RBFOX1: variants seen among roughly 807,000 people sequenced by gnomAD.
The protein encoded by RBFOX1 is RNA binding fox-1 homolog 1, also known as RNA binding protein fox-1 homolog 1.
RBFOX1 carries 8 observed loss-of-function variants against 57.7 expected under a neutral mutation model. The ratio of observed to expected loss-of-function variants is 0.14; its 90% CI spans 0.08 to 0.25. The LOEUF (loss-of-function observed/expected upper bound fraction) is 0.25, where lower values mean the gene tolerates loss of function less well. Ranked by LOEUF, RBFOX1 falls within the 10% of genes least tolerant of loss-of-function variation. RBFOX1 has a pLI of 1.00. For synonymous variants in RBFOX1, 326 were observed against 222.4 expected (o/e 1.47, Z -4.15); for missense variants, 611 against 548.5 (o/e 1.11, Z -1.14).
At chr16:6,290,166 C>A (rs994684912) in intron 1 of RBFOX1, among the ~76,000 whole-genome samples, 1 of 137,880 alleles carries the variant, frequency 7.3e-6, no homozygotes, top group Non-Finnish European at 1.6e-5. Flanking sequence ...GCTGCATTAC[C>A]TGAAAGTGAG....
intron 4 of RBFOX1, among the ~76,000 whole-genome samples, chr16:5,879,632 T>C (rs2057712603): frequency 6.6e-6 from 1 of 152,180 alleles, no homozygotes; most frequent in African/African-American, 2.4e-5. Context: ...GCCTGATCTA[T>C]TTTCTTATTT....
At chr16:6,193,364 ATATATATATATACATTATATATATATAC>A (rs2097154944) in intron 1 of RBFOX1, among the ~76,000 whole-genome samples, 6 of 120,410 alleles carry the variant, frequency 5.0e-5, no homozygotes, top group African/African-American at 1.9e-4. Context: ...CATTATATAT[ATATATATATATACATTATATATATATAC>A]TATATATATA....
At chr16:6,675,246 G>T (rs981047397) in intron 3 of RBFOX1, among the ~76,000 whole-genome samples, 4 of 152,236 alleles carry the variant, frequency 2.6e-5, no homozygotes. Flanking sequence ...GTGATTTGTT[G>T]CACCATCCCT....
In RBFOX1 at chr16:5,631,071, C is replaced by T. The variant is rs149375838; in HGVS notation, c.318+32110C>T. Among the ~76,000 whole-genome samples the T allele has an allele frequency of 2.6e-5, 4 of 152,292 alleles. No homozygotes were observed. In the East Asian group the frequency reaches 5.8e-4, roughly 22 times the overall value. The stretch of plus-strand genomic sequence containing the variant: ...CAGATGGCCAAACCAGTCCCCAAAA[C>T]GTGACTGTTGGCACTCAGAGGTGCT... On this transcript the variant is annotated intron_variant, in intron 3 of 19. Coordinates refer to the RBFOX1 transcript ENST00000641259.
At chr16:7,063,234 A>T (rs2055032907) in intron 4 of RBFOX1, among the ~76,000 whole-genome samples, 1 of 151,986 alleles carries the variant, frequency 6.6e-6, no homozygotes. Flanking sequence ...TAGGCACAGG[A>T]AGAGAGGTCT....
chr16:7,082,966 T>C (rs952694540), intron 4 of RBFOX1, among the ~76,000 whole-genome samples: 1 of 151,300 alleles, frequency 6.6e-6, no homozygotes, highest in South Asian at 2.1e-4. Flanking sequence ...CCTACCAGCC[T>C]GCTTGTAAAT....
chr16:6,098,695 G>A (rs78326653), intron 1 of RBFOX1, among the ~76,000 whole-genome samples: 4 of 152,170 alleles, frequency 2.6e-5, no homozygotes, highest in Non-Finnish European at 4.4e-5. Flanking sequence ...CATCATCTGA[G>A]ACCCTTACTA....
intron 4 of RBFOX1, among the ~76,000 whole-genome samples, chr16:7,285,481 C>A (rs1243695619): frequency 6.6e-6 from 1 of 151,922 alleles, no homozygotes; most frequent in African/African-American, 2.4e-5. Context: ...ACACCACAGT[C>A]AGGATAACAA....
intron 3 of RBFOX1, among the ~76,000 whole-genome samples, chr16:6,866,403 TATCC>T (rs1439910826): frequency 1.3e-5 from 2 of 151,960 alleles, no homozygotes; most frequent in African/African-American, 4.8e-5. Context: ...AATCAAACCT[TATCC>T]ATCATCTCCA....
In RBFOX1 at chr16:5,716,225, T is replaced by G. The variant is rs2051692777; in HGVS notation, c.318+117264T>G. Among the ~76,000 whole-genome samples the G allele has an allele frequency of 1.3e-5, 2 of 152,214 alleles. 1 individual carries two copies. The highest frequency in any genetic ancestry group is 4.8e-5 in the African/African-American group (2 of 41,468). ...TTGGTTGGCGTGAAAGTAATTTTTT[T>G]CCATTAAAATCAGCGGCAAAAACTG... On this transcript the variant is annotated intron_variant, in intron 3 of 19. Coordinates refer to the RBFOX1 transcript ENST00000641259.
chr16:6,091,550 C>G (rs907208444), intron 1 of RBFOX1, among the ~76,000 whole-genome samples: 1 of 152,146 alleles, frequency 6.6e-6, no homozygotes, highest in African/African-American at 2.4e-5. Context: ...TTTGTTGAGG[C>G]CGAGTGTCAT....
chr16:6,072,882 A>G lies in RBFOX1; in HGVS notation c.-127+52890A>G, dbSNP rs575963612. On this transcript the variant is annotated intron_variant, in intron 1 of 15. Transcript: ENST00000550418. ...GGATGTGAAAGATAGGTCTGTTCCT[A>G]TGATTGTGGGGATGGTTTCACAGGC... 2.6e-3 allele frequency among the ~76,000 whole-genome samples: 390 copies of G among 152,266 alleles called. 1 individual carries two copies. Among genetic ancestry groups the G allele is most frequent in the African/African-American group, 9.0e-3 (375 of 41,532 alleles).
intron 4 of RBFOX1, chr16:7,510,124 A>T (rs1600431553): frequency 1.0e-6 from 1 of 985,842 alleles, no homozygotes; most frequent in South Asian, 4.7e-5. Flanking sequence ...GAGCAGTCAG[A>T]TGTTGAGGGG....
chr16:5,504,647 T>C (rs1025913947), intron 2 of RBFOX1, among the ~76,000 whole-genome samples: 1 of 152,228 alleles, frequency 6.6e-6, no homozygotes, highest in Admixed American at 6.5e-5. Context: ...CAAGAGCAGA[T>C]GTACTGTCTA....
intron 4 of RBFOX1, among the ~76,000 whole-genome samples, chr16:7,338,271 G>T (rs2096830779): frequency 1.3e-5 from 2 of 149,354 alleles, no homozygotes; most frequent in African/African-American, 5.0e-5. Context: ...GAGATGGTAA[G>T]CTCTCAGAGG....
rs932435144 is a variant in RBFOX1 at position 5,581,552 on chromosome 16, T to C, written c.259-17350T>C. Among the ~76,000 whole-genome samples the C allele has an allele frequency of 7.2e-5, 11 of 152,302 alleles. 1 individual carries two copies. Among genetic ancestry groups the C allele is most frequent in the Admixed American group, 4.6e-4 (7 of 15,304 alleles). The stretch of plus-strand genomic sequence containing the variant: ...GGAAGTGTCACAGGGCTAATGGGCA[T>C]GATGCTGCAAGAGCATGTTACAGGA... On this transcript the variant is annotated intron_variant, in intron 2 of 2. Coordinates refer to the RBFOX1 transcript ENST00000585867.
chr16:6,927,057 A>G (rs899248550), intron 3 of RBFOX1, among the ~76,000 whole-genome samples: 4 of 151,302 alleles, frequency 2.6e-5, no homozygotes, highest in African/African-American at 9.7e-5. Flanking sequence ...TCCACCCACC[A>G]TTTTTCTTTT....
intron 2 of RBFOX1, among the ~76,000 whole-genome samples, chr16:5,494,024 C>A (rs187561682): frequency 6.6e-6 from 1 of 152,132 alleles, no homozygotes; most frequent in African/African-American, 2.4e-5. Flanking sequence ...TGAAGACTCA[C>A]GAGGTGATTT....
chr16:6,129,410 A>G (rs191720697), intron 1 of RBFOX1, among the ~76,000 whole-genome samples: 3 of 152,204 alleles, frequency 2.0e-5, no homozygotes, highest in Non-Finnish European at 4.4e-5. Context: ...TTAACAGTAG[A>G]TTGAAGACTA....
Sources: allele counts gnomAD v4.1 joint callset (sites outside exome capture counted in the v4.1 genomes callset), GRCh38; gene constraint gnomAD v4.1.1; transcripts MANE v1.5; gene names NCBI Gene and HGNC (gene_info 2026-07-23, HGNC 2026-07-21).